The following MREG variants were observed in gnomAD, a reference collection of about 807,000 sequenced individuals.
MREG encodes dilute suppressor protein homolog.
MREG carries 31 observed loss-of-function variants against 28.5 expected under a neutral mutation model. The observed-to-expected ratio is 1.09, with a 90% CI of 0.82 to 1.47. The LOEUF (loss-of-function observed/expected upper bound fraction) is 1.47, where lower values mean the gene tolerates loss of function less well. Ranked by LOEUF, MREG falls within the 40% of genes most tolerant of loss-of-function variation. The pLI is 0.00. For missense variants in MREG, 256 were observed against 257.4 expected (o/e 0.99, Z 0.04); for synonymous variants, 106 against 95.2 (o/e 1.11, Z -0.66).
At chr2:215,941,023 C>T (rs147501872), downstream of MREG, among the ~76,000 whole-genome samples, 144 of 152,296 alleles carry the variant, frequency 9.5e-4, 1 homozygote, top group African/African-American at 3.1e-3. Flanking sequence ...CTGGTACAGA[C>T]GCTGCAGTTA....
At chr2:215,940,091 C>A (rs1047282434), downstream of MREG, among the ~76,000 whole-genome samples, 1 of 152,186 alleles carries the variant, frequency 6.6e-6, no homozygotes, top group Non-Finnish European at 1.5e-5. Flanking sequence ...AATGATGAGA[C>A]TCAAGCTAAA....
intron 2 of MREG, among the ~76,000 whole-genome samples, chr2:215,981,971 T>C (rs1333048438): frequency 6.6e-6 from 1 of 152,182 alleles, no homozygotes; most frequent in Non-Finnish European, 1.5e-5. Flanking sequence ...GGTTTGCCAC[T>C]ATTTATTGTG....
At chr2:216,001,743 G>A (rs553261656) in intron 1 of MREG, among the ~76,000 whole-genome samples, 12 of 152,212 alleles carry the variant, frequency 7.9e-5, no homozygotes, top group African/African-American at 2.7e-4. Context: ...CCTGGGTCCC[G>A]TTCTCTGGGC....
chr2:216,023,073 C>T (rs932985458), intron 1 of MREG, among the ~76,000 whole-genome samples: 4 of 152,208 alleles, frequency 2.6e-5, no homozygotes, highest in Non-Finnish European at 5.9e-5. Context: ...TTCTCCACAA[C>T]ACTCAAGAGA....
At chr2:215,999,737 T>C (rs945142376) in intron 1 of MREG, among the ~76,000 whole-genome samples, 1 of 151,988 alleles carries the variant, frequency 6.6e-6, no homozygotes, top group Admixed American at 6.6e-5. Flanking sequence ...CAGCCCATGG[T>C]GGGAGGCACA....
chr2:215,951,981 CTT>C (rs1338572646), intron 2 of MREG, among the ~76,000 whole-genome samples: 1 of 152,150 alleles, frequency 6.6e-6, no homozygotes, highest in Non-Finnish European at 1.5e-5. Context: ...ACGGGTTTGA[CTT>C]TTTTAGATTC....
intron 2 of MREG, among the ~76,000 whole-genome samples, chr2:215,959,771 C>T (rs1053689665): frequency 2.6e-5 from 4 of 152,186 alleles, no homozygotes; most frequent in African/African-American, 9.7e-5. Context: ...CTGCATGCCT[C>T]GACCATGTTC....
intron 2 of MREG, among the ~76,000 whole-genome samples, chr2:215,958,212 A>T (rs1044190164): frequency 1.3e-5 from 2 of 151,390 alleles, no homozygotes; most frequent in Non-Finnish European, 2.9e-5. Context: ...CATATGTAAC[A>T]AACCTGCACG....
chr2:216,013,106 T>C (rs569916895), intron 1 of MREG, 127 bp downstream of exon 1: 36 of 745,852 alleles, frequency 4.8e-5, no homozygotes, highest in Admixed American at 3.8e-4. Context: ...GGGGCTGAGA[T>C]GGCGCCTCCG....
At chr2:215,982,456 C>T (rs187905733) in intron 2 of MREG, among the ~76,000 whole-genome samples, 3 of 151,934 alleles carry the variant, frequency 2.0e-5, no homozygotes, top group Admixed American at 6.5e-5. Context: ...CATCACAGAC[C>T]GATGAACAGA....
At chr2:216,014,646 C>T (rs1206256624), upstream of MREG, among the ~76,000 whole-genome samples, 2 of 121,768 alleles carry the variant, frequency 1.6e-5, no homozygotes, top group African/African-American at 6.3e-5. Flanking sequence ...AAGACTCCGT[C>T]TCAAAAAAAA....
intron 2 of MREG, among the ~76,000 whole-genome samples, chr2:215,954,445 A>AACAAACAAACACACAC (rs1553547417): frequency 7.3e-6 from 1 of 136,524 alleles, no homozygotes; most frequent in African/African-American, 2.7e-5. Flanking sequence ...ATCTGTGTAC[A>AACAAACAAACACACAC]ACACACACAC....
chr2:215,985,254 T>G (rs1434410138), intron 2 of MREG, among the ~76,000 whole-genome samples: 1 of 152,250 alleles, frequency 6.6e-6, no homozygotes, highest in Non-Finnish European at 1.5e-5. Flanking sequence ...TAACAATTAT[T>G]AAGCTCCCTA....
intron 2 of MREG, among the ~76,000 whole-genome samples, chr2:215,983,547 C>G (rs1693485460): frequency 6.6e-6 from 1 of 152,148 alleles, no homozygotes; most frequent in Non-Finnish European, 1.5e-5. Flanking sequence ...TGGCAATACC[C>G]TAGCAGGTAG....
At chr2:215,980,853 G>A (rs1419567417) in intron 2 of MREG, among the ~76,000 whole-genome samples, 1 of 150,586 alleles carries the variant, frequency 6.6e-6, no homozygotes, top group Non-Finnish European at 1.5e-5. Context: ...AGGAGGGGAG[G>A]GGAGGGGAGG....
intron 1 of MREG, among the ~76,000 whole-genome samples, chr2:215,999,148 G>A (rs1407480800): frequency 6.6e-6 from 1 of 152,246 alleles, no homozygotes; most frequent in Non-Finnish European, 1.5e-5. Context: ...CATGACTGCA[G>A]CACGTGGTGT....
intron 2 of MREG, among the ~76,000 whole-genome samples, chr2:215,983,251 G>C (rs1490273587): frequency 6.6e-6 from 1 of 152,226 alleles, no homozygotes; most frequent in African/African-American, 2.4e-5. Flanking sequence ...GGCCCCGAAA[G>C]AGTGGGCTTT....
rs1376422305 is a variant in MREG, at chr2:215,947,132, T to G, written c.256-19A>C. 1 of 1,529,616 alleles carries G rather than the reference T, an allele frequency of 6.5e-7. No individual in the cohort carries two copies. Among genetic ancestry groups the G allele is most frequent in the South Asian group, 1.1e-5 (1 of 87,210 alleles). The allele number at this position is 1,529,616 out of a possible 1,614,324, so 94.8% of individuals were successfully genotyped here. On this transcript the variant is annotated intron_variant, in intron 2 of 4. Transcript: ENST00000263268. The stretch of plus-strand genomic sequence containing the variant: ...GCCACTCCTGCAGGAAAATAAAAGT[T>G]TAGTTTTATTTATACCCCTTGGCTT...
chr2:216,014,032 T>C (rs1694387741), upstream of MREG, among the ~76,000 whole-genome samples: 1 of 152,174 alleles, frequency 6.6e-6, no homozygotes, highest in South Asian at 2.1e-4. Context: ...GAGCTATTTA[T>C]ATATAGTTGT....
Sources: gnomAD v4.1 joint callset for allele counts (sites outside exome capture counted in the v4.1 genomes callset) on GRCh38, gnomAD v4.1.1 for gene constraint, MANE v1.5 for transcripts, NCBI Gene and HGNC (gene_info 2026-07-23, HGNC 2026-07-21) for gene names.